SV2B: variants seen among roughly 807,000 people sequenced by gnomAD.
The protein encoded by SV2B is solute carrier family 22 member B2.
Under a neutral mutation model 73.9 loss-of-function variants are expected in SV2B, and 41 were observed. That is an observed-to-expected ratio of 0.56 (90% CI 0.43 to 0.72). The LOEUF is 0.72. SV2B is among the 30% of genes least tolerant of loss of function. The probability of loss-of-function intolerance (pLI) is 0.00; values close to 1 mark genes in which losing one functional copy is unlikely to be tolerated. For synonymous variants in SV2B, 314 were observed against 314.2 expected (o/e 1.00, Z 0.01); for missense variants, 764 against 857.8 (o/e 0.89, Z 1.37).
Position 91,223,096 on chromosome 15 carries a change from C to A in SV2B, c.-391-2777C>A, listed in dbSNP as rs1032745692. Among the ~76,000 whole-genome samples the A allele has an allele frequency of 1.3e-5, 2 of 152,160 alleles. No homozygotes were observed. The highest frequency in any genetic ancestry group is 6.5e-5 in the Admixed American group (1 of 15,282). ...CCTTAGGCTTGTAGATGGCATTTGT[C>A]TTGGGTCTTCACTTTGTCTTCCTTT... is the stretch of plus-strand genomic sequence containing the variant. On this transcript the variant is annotated intron_variant, in intron 1 of 12. Coordinates refer to ENST00000394232, the MANE Select transcript of SV2B (RefSeq NM_001323032.3). This position sits in a 1 kb window ranked among gnomAD's most constrained non-coding sequence, Gnocchi z 4.6.
rs543572760 is a variant in SV2B at position 91,158,436 on chromosome 15, C to G, written c.-392+58073C>G. On this transcript the variant is annotated intron_variant, in intron 1 of 12. Transcript: ENST00000394232. ...ATTTATTTGTTTTGCAGAGAGCTCA[C>G]TTTGGAGTAGCACAAACGAAGGATT... is the stretch of plus-strand genomic sequence containing the variant. Among the ~76,000 whole-genome samples, 17 of 151,946 alleles carry G rather than the reference C, an allele frequency of 1.1e-4. No homozygotes were observed. The East Asian group carries it at 2.9e-3, about 26-fold the overall frequency.
intron 9 of SV2B, among the ~76,000 whole-genome samples, chr15:91,273,282 A>G (rs1270890495): frequency 6.6e-6 from 1 of 152,164 alleles, no homozygotes; most frequent in Non-Finnish European, 1.5e-5. Flanking sequence ...TGATTGTTTA[A>G]TAACAAGCTG....
At chr15:91,221,473 A>T (rs900178281) in intron 1 of SV2B, among the ~76,000 whole-genome samples, 1 of 152,112 alleles carries the variant, frequency 6.6e-6, no homozygotes, top group East Asian at 1.9e-4. Flanking sequence ...TTAAATCTTA[A>T]TTACACAGGA....
In SV2B at chr15:91,251,956, G is replaced by A. The variant is rs2141612465; in HGVS notation, c.589G>A (p.Gly197Arg). 2 of 1,614,054 alleles carry A rather than the reference G, an allele frequency of 1.2e-6. No homozygotes were observed. Among genetic ancestry groups the A allele is most frequent in the Non-Finnish European group, 1.7e-6 (2 of 1,180,014 alleles). ...CGCCTCCCTCTCTTCCTTCGTGCAG[G>A]GATATGGAGCCTTCCTCTTCTGCCG... ...SFASLSSFVQ[G>R]YGAFLFCRLI... Residue 197 changes from glycine (G) to arginine (R), a missense_variant, in exon 3 of 13, where the codon GGA (glycine) becomes AGA (arginine). Coordinates refer to ENST00000394232, the MANE Select transcript of SV2B (RefSeq NM_001323032.3).
In SV2B at chr15:91,281,377, A is replaced by G. The variant is rs1180227515; in HGVS notation, c.1374-351A>G. On this transcript the variant is annotated intron_variant, in intron 9 of 12. Transcript: ENST00000394232. This position sits in a 1 kb window ranked among gnomAD's most constrained non-coding sequence, Gnocchi z 4.7. ...TTCTAGGACCACTCCAGGGACCTGC[A>G]TGTTTTAAAAATGTCTCAGAAAGTG... 6.6e-6 allele frequency among the ~76,000 whole-genome samples: 1 copy of G among 152,198 alleles called. No individual in the cohort carries two copies. Among genetic ancestry groups the G allele is most frequent in the African/African-American group, 2.4e-5 (1 of 41,440 alleles).
intron 1 of SV2B, among the ~76,000 whole-genome samples, chr15:91,185,419 GT>G (rs1450861368): frequency 2.6e-5 from 4 of 152,134 alleles, no homozygotes; most frequent in African/African-American, 4.8e-5. Flanking sequence ...TAAATAATAA[GT>G]GTGCACTGTT....
rs762712891 is a variant in SV2B, at chr15:91,289,730, C to T, written c.1868+50C>T. The T allele has an allele frequency of 6.3e-7, 1 of 1,579,524 alleles. No homozygotes were observed. ...CAGGGACTTGTTTGGGCTTCTTTGG[C>T]CAGAAGTCTACCTGCTCCCTAAATC... On this transcript the variant is annotated intron_variant, in intron 12 of 12. Coordinates refer to ENST00000394232, the MANE Select transcript of SV2B (RefSeq NM_001323032.3). This position sits in a 1 kb window ranked among gnomAD's most constrained non-coding sequence, Gnocchi z 4.9.
rs75973830 is a variant in SV2B, at chr15:91,292,569, G to A, written c.*17G>A. ...CTGATGTGAACAACCTATGGGAAAAGGAAAGGTCGAGAGAATCTTGTCCAG... is the reference window on the plus strand; with the variant it reads ...CTGATGTGAACAACCTATGGGAAAAAGAAAGGTCGAGAGAATCTTGTCCAG... On this transcript the variant is annotated 3_prime_UTR_variant, in exon 13 of 13. Transcript: ENST00000394232. The A allele has an allele frequency of 7.9e-5, 127 of 1,603,970 alleles. No homozygotes were observed. The African/African-American group carries it at 1.6e-3, about 20-fold the overall frequency.
At chr15:91,103,093 G>T (rs1359018777) in intron 1 of SV2B, among the ~76,000 whole-genome samples, 2 of 152,208 alleles carry the variant, frequency 1.3e-5, no homozygotes, top group Admixed American at 1.3e-4. Context: ...TGTATGTGCT[G>T]AGTTATTGTT....
At chr15:91,192,855 G>A (rs2045093864) in intron 1 of SV2B, among the ~76,000 whole-genome samples, 1 of 152,302 alleles carries the variant, frequency 6.6e-6, no homozygotes, top group South Asian at 2.1e-4. Flanking sequence ...ACCAAGCTGT[G>A]CTATTTTTCC....
intron 1 of SV2B, among the ~76,000 whole-genome samples, chr15:91,186,605 G>C (rs2044781080): frequency 6.6e-6 from 1 of 152,220 alleles, no homozygotes; most frequent in Admixed American, 6.5e-5. Flanking sequence ...AATGTGAAAA[G>C]ATCCTAGGTG....
chr15:91,226,372 G>A lies in SV2B; in HGVS notation c.109G>A (p.Glu37Lys), dbSNP rs748998104. 7.4e-6 allele frequency: 12 copies of A among 1,614,002 alleles called. No homozygotes were observed. Among genetic ancestry groups the A allele is most frequent in the Admixed American group, 1.7e-5 (1 of 60,006 alleles). ...PEEDAQSDVTEGHDEEDEIYE... is the reference protein window; with the variant it reads ...PEEDAQSDVTKGHDEEDEIYE... ...AGAAGATGCACAGAGTGATGTCACC[G>A]AAGGCCATGATGAGGAAGACGAGAT... Residue 37 changes from glutamate (E) to lysine (K), a missense_variant, in exon 2 of 13, where the codon GAA becomes AAA. Glu to Lys is a moderately conservative substitution (Grantham distance 56). Coordinates refer to ENST00000394232, the MANE Select transcript of SV2B (RefSeq NM_001323032.3).
At chr15:91,168,514 GA>G (rs764044259) in intron 1 of SV2B, among the ~76,000 whole-genome samples, 22 of 152,080 alleles carry the variant, frequency 1.4e-4, no homozygotes, top group Non-Finnish European at 2.4e-4. Flanking sequence ...AGAAAAAGGG[GA>G]TACCTCCCAC....
intron 1 of SV2B, among the ~76,000 whole-genome samples, chr15:91,102,608 G>C (rs77886336): frequency 0.011 from 1,683 of 152,252 alleles, 42 homozygotes; most frequent in African/African-American, 0.039. Context: ...AAATTAATGA[G>C]AGAGTGTGTG....
chr15:91,262,501 G>C (rs2047944705), intron 6 of SV2B, among the ~76,000 whole-genome samples: 1 of 152,096 alleles, frequency 6.6e-6, no homozygotes, highest in Admixed American at 6.5e-5. Flanking sequence ...TACATGTGCA[G>C]GTTGTTATAG....
intron 1 of SV2B, among the ~76,000 whole-genome samples, chr15:91,180,814 T>A (rs1272571508): frequency 6.6e-6 from 1 of 152,188 alleles, no homozygotes; most frequent in Non-Finnish European, 1.5e-5. Flanking sequence ...TTCAAAGTTT[T>A]CAACTTCTTT....
At chr15:91,165,440 C>T (rs2043879418) in intron 1 of SV2B, among the ~76,000 whole-genome samples, 1 of 152,218 alleles carries the variant, frequency 6.6e-6, no homozygotes. Flanking sequence ...ATTTACATAG[C>T]ACTTATATTG....
At chr15:91,256,598 C>T (rs937536408) in intron 4 of SV2B, among the ~76,000 whole-genome samples, 3 of 152,080 alleles carry the variant, frequency 2.0e-5, no homozygotes, top group African/African-American at 4.8e-5. Context: ...GTGTTACTCC[C>T]AGGAGAAAGG....
intron 1 of SV2B, among the ~76,000 whole-genome samples, chr15:91,159,241 C>T (rs767864174): frequency 7.2e-5 from 11 of 152,100 alleles, no homozygotes; most frequent in Non-Finnish European, 1.3e-4. Flanking sequence ...CTGGGCTTAG[C>T]GGAAGAGCCA....
Sources: allele counts gnomAD v4.1 joint callset (sites outside exome capture counted in the v4.1 genomes callset), GRCh38; gene constraint gnomAD v4.1.1; non-coding constraint Gnocchi (gnomAD v3.1); transcripts MANE v1.5; gene names NCBI Gene and HGNC (gene_info 2026-07-23, HGNC 2026-07-21).